CFAP20DC: variants seen among roughly 807,000 people sequenced by gnomAD.
CFAP20DC encodes CFAP20 domain containing.
In CFAP20DC, 84 loss-of-function variants were observed where a neutral mutation model predicts 101.7. That is an observed-to-expected ratio of 0.83 (90% CI 0.69 to 0.99). The LOEUF is 0.99. CFAP20DC is among the 50% of genes least tolerant of loss of function. CFAP20DC has a pLI of 0.00. For missense variants in CFAP20DC, 1,007 were observed against 970.3 expected (o/e 1.04, Z -0.50); for synonymous variants, 359 against 351.2 (o/e 1.02, Z -0.25).
intron 15 of CFAP20DC, among the ~76,000 whole-genome samples, chr3:58,792,669 T>C (rs908452253): frequency 2.6e-4 from 40 of 151,834 alleles, no homozygotes; most frequent in African/African-American, 8.7e-4. Flanking sequence ...GAGTACTCAA[T>C]TGAAATTTGA....
At chr3:58,924,875 C>A (rs1019488739) in intron 5 of CFAP20DC, among the ~76,000 whole-genome samples, 1 of 151,898 alleles carries the variant, frequency 6.6e-6, no homozygotes, top group Non-Finnish European at 1.5e-5. Context: ...TGTTTGTCTT[C>A]TTTTGAGAAG....
At position 58,742,414 on chromosome 3, in the gene CFAP20DC, T is replaced by G; in HGVS notation, c.*46A>C. 2 of 1,550,698 alleles carry G rather than the reference T, an allele frequency of 1.3e-6. No homozygotes were observed. The highest frequency in any genetic ancestry group is 1.7e-6 in the Non-Finnish European group (2 of 1,147,906). ...CTCCTTAAGCGACCCTGAACTGCTA[T>G]TCTGCTCCAGCTGGGAGTGCCTGCT... On this transcript the variant is annotated 3_prime_UTR_variant, in exon 17 of 17. Coordinates refer to ENST00000482387, the MANE Select transcript of CFAP20DC (RefSeq NM_001394063.1).
intron 16 of CFAP20DC, among the ~76,000 whole-genome samples, chr3:58,752,218 G>T (rs1349557138): frequency 6.6e-6 from 1 of 152,108 alleles, no homozygotes; most frequent in Admixed American, 6.6e-5. Context: ...CAGAAAAGGG[G>T]AAGATGAGTA....
chr3:58,972,201 C>T (rs540420967), intron 4 of CFAP20DC, among the ~76,000 whole-genome samples: 1 of 152,090 alleles, frequency 6.6e-6, no homozygotes, highest in African/African-American at 2.4e-5. Context: ...CAGATAGGGG[C>T]GTTCTGCTAG....
intron 16 of CFAP20DC, among the ~76,000 whole-genome samples, chr3:58,752,572 C>T (rs2068649135): frequency 6.6e-6 from 1 of 152,112 alleles, no homozygotes; most frequent in African/African-American, 2.4e-5. Context: ...ATTTAGGACA[C>T]CTAACATAAC....
chr3:59,033,713 C>T (rs994810080), intron 4 of CFAP20DC, among the ~76,000 whole-genome samples: 15 of 152,022 alleles, frequency 9.9e-5, no homozygotes, highest in African/African-American at 3.4e-4. Context: ...AAATACCAAA[C>T]CTATGTTTGA....
At chr3:59,022,582 A>G (rs896346857) in intron 4 of CFAP20DC, among the ~76,000 whole-genome samples, 1 of 152,142 alleles carries the variant, frequency 6.6e-6, no homozygotes, top group Admixed American at 6.6e-5. Context: ...CCTTAAAAAA[A>G]AGAGAATGGT....
intron 4 of CFAP20DC, among the ~76,000 whole-genome samples, chr3:59,027,718 G>A (rs1352947808): frequency 6.6e-6 from 1 of 152,162 alleles, no homozygotes; most frequent in Admixed American, 6.5e-5. Context: ...TCTATTTCAA[G>A]ATGCAGTTGC....
At chr3:58,853,965 G>C (rs1482962794) in intron 12 of CFAP20DC, among the ~76,000 whole-genome samples, 3 of 151,888 alleles carry the variant, frequency 2.0e-5, no homozygotes, top group African/African-American at 7.3e-5. Flanking sequence ...ATTCAACATA[G>C]TGTTGGAAGT....
chr3:58,928,856 A>G (rs1401735294), intron 5 of CFAP20DC, among the ~76,000 whole-genome samples: 1 of 152,156 alleles, frequency 6.6e-6, no homozygotes, highest in African/African-American at 2.4e-5. Flanking sequence ...GGTAGTCACT[A>G]ATATGATTTC....
chr3:58,978,804 T>C (rs1036908527), intron 4 of CFAP20DC, among the ~76,000 whole-genome samples: 1 of 152,100 alleles, frequency 6.6e-6, no homozygotes, highest in African/African-American at 2.4e-5. Context: ...TCCTACCATT[T>C]CTAATGCAGA....
At chr3:58,734,016 T>C (rs1053804630) in intron 3 of CFAP20DC, among the ~76,000 whole-genome samples, 8 of 152,196 alleles carry the variant, frequency 5.3e-5, no homozygotes, top group African/African-American at 1.9e-4. Flanking sequence ...GGGAGGAACC[T>C]GGTGGGAGGT....
intron 4 of CFAP20DC, among the ~76,000 whole-genome samples, chr3:58,958,281 AT>A (rs1284401739): frequency 3.9e-5 from 6 of 152,342 alleles, no homozygotes; most frequent in Admixed American, 6.5e-5. Flanking sequence ...ACGTAAAAAA[AT>A]ATATAAAATA....
intron 6 of CFAP20DC, among the ~76,000 whole-genome samples, chr3:58,887,931 G>A (rs1187242267): frequency 1.3e-5 from 2 of 152,200 alleles, no homozygotes; most frequent in Non-Finnish European, 2.9e-5. Context: ...AGATTTCATG[G>A]TGGAATACTT....
At chr3:58,830,659 A>T (rs1315281680) in intron 14 of CFAP20DC, among the ~76,000 whole-genome samples, 3 of 152,206 alleles carry the variant, frequency 2.0e-5, no homozygotes, top group Admixed American at 2.0e-4. Context: ...TTATATAGTT[A>T]TATATAAATG....
rs1377040246 is a variant in CFAP20DC at position 58,849,096 on chromosome 3, G to A, written c.1907C>T (p.Ser636Leu). 3.3e-6 allele frequency: 5 copies of A among 1,535,968 alleles called. No individual in the cohort carries two copies. The highest frequency in any genetic ancestry group is 4.4e-6 in the Non-Finnish European group (5 of 1,146,916). Reference sequence around the variant, plus strand: ...TTCTTTCAGGGAGGTTTTGTTTAGTGAAGCTGGCACTTGCTGGGCTGATAG... The same window carrying A: ...TTCTTTCAGGGAGGTTTTGTTTAGTAAAGCTGGCACTTGCTGGGCTGATAG... The part of the protein sequence containing the change: ...KDLSAQQVPA[S>L]LNKTSLKEIS... The change falls in exon 13 of 17, where the codon TCA becomes TTA. Residue 636 changes from serine to leucine, a missense_variant. By Grantham distance (145) the Ser-to-Leu change is moderately radical (BLOSUM62 -2). Coordinates refer to ENST00000482387, the MANE Select transcript of CFAP20DC (RefSeq NM_001394063.1).
intron 14 of CFAP20DC, among the ~76,000 whole-genome samples, chr3:58,808,482 A>C (rs1288467692): frequency 2.0e-5 from 3 of 152,366 alleles, no homozygotes; most frequent in Non-Finnish European, 4.4e-5. Context: ...TAAGTGAAGG[A>C]GAAATAAAAT....
rs543018275 is a variant in CFAP20DC, at chr3:58,891,879, T to G, written c.551-7170A>C. On this transcript the variant is annotated intron_variant, in intron 6 of 16. Coordinates refer to ENST00000482387, the MANE Select transcript of CFAP20DC (RefSeq NM_001394063.1). ...TTTGGTGTTTTCATCATGAAATCTTTGCACATGCCTGTGTCCTGAGTGGAC... is the reference window on the plus strand; with the variant it reads ...TTTGGTGTTTTCATCATGAAATCTTGGCACATGCCTGTGTCCTGAGTGGAC... Among the ~76,000 whole-genome samples, 3 of 152,382 alleles carry G rather than the reference T, an allele frequency of 2.0e-5. No homozygotes were observed. In the South Asian group the frequency reaches 6.2e-4, roughly 32 times the overall value.
At chr3:58,951,300 CT>C (rs1013636634) in intron 4 of CFAP20DC, among the ~76,000 whole-genome samples, 12 of 152,308 alleles carry the variant, frequency 7.9e-5, no homozygotes, top group African/African-American at 2.9e-4. Flanking sequence ...CACTTTTACA[CT>C]GTTGGTGGGA....
Sources: allele counts gnomAD v4.1 joint callset (sites outside exome capture counted in the v4.1 genomes callset), GRCh38; gene constraint gnomAD v4.1.1; transcripts MANE v1.5; gene names NCBI Gene and HGNC (gene_info 2026-07-23, HGNC 2026-07-21).